Variants in NAV3 observed in about 807,000 individuals in gnomAD.
The protein encoded by NAV3 is neuron navigator 3.
NAV3 carries 87 observed loss-of-function variants against 244.7 expected under a neutral mutation model. The ratio of observed to expected loss-of-function variants is 0.36; its 90% CI spans 0.30 to 0.42. NAV3 has a LOEUF of 0.42. Among genes scored for constraint, NAV3 ranks in the 20% least tolerant of loss-of-function variants. The pLI is 1.00. For synonymous variants in NAV3, 1,126 were observed against 1,042.2 expected, an observed-to-expected ratio of 1.08 and a Z score of -1.55; for missense variants, 2,663 against 2,893.3, an observed-to-expected ratio of 0.92 and a Z score of 1.83.
intron 2 of NAV3, among the ~76,000 whole-genome samples, chr12:77,721,365 T>G (rs1311439494): frequency 6.6e-6 from 1 of 152,100 alleles, no homozygotes; most frequent in East Asian, 1.9e-4. Flanking sequence ...TTCCTAAGTA[T>G]AATGAGCACA....
At chr12:77,798,235 A>C (rs916082899) in intron 2 of NAV3, among the ~76,000 whole-genome samples, 1 of 152,160 alleles carries the variant, frequency 6.6e-6, no homozygotes, top group African/African-American at 2.4e-5. Flanking sequence ...ACTTTGTTTG[A>C]TGAGTGAGAA....
intron 2 of NAV3, among the ~76,000 whole-genome samples, chr12:77,789,420 G>T (rs1871067177): frequency 6.6e-6 from 1 of 151,854 alleles, no homozygotes. Flanking sequence ...CACTGTCTAG[G>T]ACAGGGGTGT....
chr12:77,609,490 A>G (rs936514187), intron 2 of NAV3, among the ~76,000 whole-genome samples: 1 of 152,038 alleles, frequency 6.6e-6, no homozygotes, highest in African/African-American at 2.4e-5. Flanking sequence ...CATTGTATCT[A>G]CCTCAGTATG....
At chr12:77,765,402 A>G (rs1308787371) in intron 2 of NAV3, among the ~76,000 whole-genome samples, 5 of 152,236 alleles carry the variant, frequency 3.3e-5, no homozygotes, top group Non-Finnish European at 7.4e-5. Flanking sequence ...ATCAGTTTCA[A>G]TGAGGTGCCT....
chr12:77,689,534 A>AC (rs1874909609), intron 2 of NAV3, among the ~76,000 whole-genome samples: 1 of 151,942 alleles, frequency 6.6e-6, no homozygotes, highest in East Asian at 1.9e-4. Context: ...TGTGAACTCA[A>AC]AACTTTTAAA....
intron 1 of NAV3, among the ~76,000 whole-genome samples, chr12:77,894,132 A>T (rs997025439): frequency 1.3e-5 from 2 of 152,072 alleles, no homozygotes; most frequent in Admixed American, 6.6e-5. Context: ...CAGCAGATGG[A>T]CTTTGGTTTG....
In NAV3 at chr12:78,169,594, GTCCTAAAACA is replaced by G. The variant is rs1957919933; in HGVS notation, c.4981+730_4981+739del. Among the ~76,000 whole-genome samples, 4 of 151,592 alleles carry G rather than the reference GTCCTAAAACA, an allele frequency of 2.6e-5. No homozygotes were observed. In the South Asian group the frequency reaches 8.3e-4, roughly 32 times the overall value. On this transcript the variant is annotated intron_variant, in intron 24 of 39. Transcript: ENST00000397909. ...GCTCTTTCCCAGCTTAAAAAATCCT[GTCCTAAAACA>G]TGAATGCCTTATTATCTCTCTTTTC...
intron 1 of NAV3, among the ~76,000 whole-genome samples, chr12:77,895,319 G>GTA (rs1884460710): frequency 1.3e-5 from 2 of 151,842 alleles, no homozygotes; most frequent in Admixed American, 1.3e-4. Flanking sequence ...TTGTGTGTGT[G>GTA]TGTGTGTGTG....
chr12:77,978,975 A>G (rs1385789996), intron 5 of NAV3, among the ~76,000 whole-genome samples: 1 of 151,980 alleles, frequency 6.6e-6, no homozygotes, highest in Non-Finnish European at 1.5e-5. Context: ...ATTAATAATT[A>G]TGGACCTTTT....
upstream of NAV3, among the ~76,000 whole-genome samples, chr12:77,827,026 A>G (rs962049880): frequency 6.6e-6 from 1 of 152,182 alleles, no homozygotes; most frequent in South Asian, 2.1e-4. Flanking sequence ...GTTCGAGACC[A>G]GTCTGGCCAA....
chr12:77,596,426 A>G (rs1870171381), intron 2 of NAV3, among the ~76,000 whole-genome samples: 1 of 152,172 alleles, frequency 6.6e-6, no homozygotes, highest in Non-Finnish European at 1.5e-5. Flanking sequence ...GCTCATTAAC[A>G]GTGACACAAA....
chr12:77,763,332 A>T (rs1187542579), intron 2 of NAV3, among the ~76,000 whole-genome samples: 1 of 152,230 alleles, frequency 6.6e-6, no homozygotes, highest in East Asian at 1.9e-4. Flanking sequence ...AAATATGGTC[A>T]TCACCAGAGA....
intron 2 of NAV3, among the ~76,000 whole-genome samples, chr12:77,789,408 T>C (rs563971284): frequency 6.6e-6 from 1 of 152,264 alleles, no homozygotes; most frequent in East Asian, 1.9e-4. Context: ...TCCTCTTGTT[T>C]CCACTGTCTA....
At chr12:77,721,233 A>T (rs1876617579) in intron 2 of NAV3, among the ~76,000 whole-genome samples, 1 of 152,164 alleles carries the variant, frequency 6.6e-6, no homozygotes, top group Non-Finnish European at 1.5e-5. Context: ...GTAAATCTGT[A>T]AAACAACAAA....
intron 1 of NAV3, among the ~76,000 whole-genome samples, chr12:77,850,286 T>C (rs1877316177): frequency 6.6e-6 from 1 of 152,166 alleles, no homozygotes; most frequent in African/African-American, 2.4e-5. Flanking sequence ...CCATACTCTA[T>C]TGCCAGGGTA....
At chr12:78,171,335 C>T (rs1189469810) in intron 24 of NAV3, among the ~76,000 whole-genome samples, 1 of 151,624 alleles carries the variant, frequency 6.6e-6, no homozygotes, top group Non-Finnish European at 1.5e-5. Context: ...TTTAACACAG[C>T]ACAAGTCACT....
chr12:78,094,351 C>T (rs1487193234), intron 12 of NAV3, among the ~76,000 whole-genome samples: 1 of 152,046 alleles, frequency 6.6e-6, no homozygotes, highest in African/African-American at 2.4e-5. Flanking sequence ...GAGATTTAAC[C>T]TATGGCCAGG....
intron 2 of NAV3, among the ~76,000 whole-genome samples, chr12:77,717,103 T>TA (rs1387195879): frequency 6.6e-6 from 1 of 152,116 alleles, no homozygotes; most frequent in Non-Finnish European, 1.5e-5. Flanking sequence ...TCTGACTTTT[T>TA]ATACTTATTT....
At chr12:77,963,194 T>G (rs1015523023) in intron 3 of NAV3, among the ~76,000 whole-genome samples, 2 of 152,132 alleles carry the variant, frequency 1.3e-5, no homozygotes, top group Non-Finnish European at 2.9e-5. Context: ...AAAACAGTGT[T>G]TGTACTAGGT....
Sources: allele counts gnomAD v4.1 joint callset (sites outside exome capture counted in the v4.1 genomes callset), GRCh38; gene constraint gnomAD v4.1.1; transcripts MANE v1.5; gene names NCBI Gene and HGNC (gene_info 2026-07-23, HGNC 2026-07-21).